Variants in GREB1L observed in about 807,000 individuals in gnomAD.
The protein encoded by GREB1L is GREB1 like retinoic acid receptor coactivator.
GREB1L carries 17 observed loss-of-function variants against 200.8 expected under a neutral mutation model. The ratio of observed to expected loss-of-function variants is 0.08; its 90% CI spans 0.06 to 0.13. GREB1L has a LOEUF of 0.13. Among genes scored for constraint, GREB1L ranks in the 10% least tolerant of loss-of-function variants. GREB1L has a pLI of 1.00. For synonymous variants in GREB1L, 789 were observed against 893.0 expected (o/e 0.88, Z 2.08); for missense variants, 1,657 against 2,367.7 (o/e 0.70, Z 6.23).
intron 19 of GREB1L, among the ~76,000 whole-genome samples, chr18:21,490,742 C>A (rs2036301716): frequency 6.6e-6 from 1 of 152,222 alleles, no homozygotes; most frequent in South Asian, 2.1e-4. Context: ...ATCCTCAACT[C>A]ACTAATTCTT....
At chr18:21,373,486 A>G (rs1221631689) in intron 2 of GREB1L, among the ~76,000 whole-genome samples, 3 of 151,864 alleles carry the variant, frequency 2.0e-5, no homozygotes, top group Non-Finnish European at 2.9e-5. Context: ...GGCACCTACC[A>G]CCGTGCCCAG....
intron 17 of GREB1L, among the ~76,000 whole-genome samples, chr18:21,483,917 A>G (rs888261293): frequency 1.3e-5 from 2 of 149,182 alleles, no homozygotes; most frequent in African/African-American, 5.0e-5. Context: ...CAGAGATTGC[A>G]GTGAGCCGAG....
chr18:21,409,848 C>T (rs1382301737), intron 7 of GREB1L, among the ~76,000 whole-genome samples: 5 of 152,130 alleles, frequency 3.3e-5, no homozygotes, highest in African/African-American at 1.2e-4. Context: ...TGAGGAATGA[C>T]TTAGCCTTGC....
chr18:21,268,011 A>G (rs2038000198), intron 1 of GREB1L, among the ~76,000 whole-genome samples: 7 of 152,198 alleles, frequency 4.6e-5, no homozygotes. Context: ...TAAGAGGATC[A>G]CATTGGCAGC....
intron 19 of GREB1L, among the ~76,000 whole-genome samples, chr18:21,491,046 G>T (rs184618088): frequency 7.9e-5 from 12 of 152,152 alleles, no homozygotes; most frequent in African/African-American, 2.9e-4. Flanking sequence ...GGTGGGAGGA[G>T]TAGAACCCTC....
intron 4 of GREB1L, among the ~76,000 whole-genome samples, chr18:21,388,721 T>A (rs1408372993): frequency 6.6e-6 from 1 of 151,894 alleles, no homozygotes; most frequent in Non-Finnish European, 1.5e-5. Flanking sequence ...ATTTTTTGTA[T>A]TTTTAGTAGA....
chr18:21,383,721 T>C (rs1309251023), intron 3 of GREB1L, 46 bp downstream of exon 3: 7 of 1,535,068 alleles, frequency 4.6e-6, no homozygotes, highest in African/African-American at 1.4e-5. Flanking sequence ...TTTTTTTGTT[T>C]TGTTTTTTTG....
At chr18:21,484,090 C>A (rs2036028397) in intron 17 of GREB1L, among the ~76,000 whole-genome samples, 1 of 151,746 alleles carries the variant, frequency 6.6e-6, no homozygotes, top group Non-Finnish European at 1.5e-5. Context: ...TTATCCCTGG[C>A]CCAATCTTCC....
chr18:21,433,247 T>C (rs1325965777), intron 7 of GREB1L, among the ~76,000 whole-genome samples: 6 of 152,238 alleles, frequency 3.9e-5, no homozygotes, highest in African/African-American at 9.6e-5. Flanking sequence ...GATTGTTGTT[T>C]ATATATATGA....
intron 1 of GREB1L, among the ~76,000 whole-genome samples, chr18:21,337,936 G>A (rs1469205930): frequency 6.6e-5 from 10 of 151,910 alleles, no homozygotes; most frequent in Admixed American, 3.9e-4. Flanking sequence ...GCAGTGAGCC[G>A]AGATCGCACC....
At chr18:21,429,183 CCTCCCTTCCCCTCCCCTCCCCTCCG>C (rs2032929161) in intron 7 of GREB1L, among the ~76,000 whole-genome samples, 1 of 79,694 alleles carries the variant, frequency 1.3e-5, no homozygotes, top group Admixed American at 1.3e-4. Context: ...CCTTCCTTCC[CCTCCCTTCCCCTCCCCTCCCCTCCG>C]CTCCCCTCCC....
At chr18:21,329,974 G>T (rs985647496) in intron 1 of GREB1L, among the ~76,000 whole-genome samples, 2 of 150,410 alleles carry the variant, frequency 1.3e-5, no homozygotes, top group African/African-American at 2.4e-5. Flanking sequence ...TTTTTTGGGG[G>T]GGGGGGGTCT....
At chr18:21,484,235 G>A (rs1411087338) in intron 17 of GREB1L, among the ~76,000 whole-genome samples, 1 of 150,096 alleles carries the variant, frequency 6.7e-6, no homozygotes, top group East Asian at 2.0e-4. Flanking sequence ...GAGTGCAGTG[G>A]CACAATCTCG....
intron 1 of GREB1L, among the ~76,000 whole-genome samples, chr18:21,258,553 T>A (rs1056126293): frequency 3.6e-4 from 55 of 151,904 alleles, no homozygotes; most frequent in African/African-American, 1.3e-3. Flanking sequence ...CAAGGGAGGG[T>A]AATGGAACAA....
At chr18:21,255,503 T>C (rs2037787461) in intron 1 of GREB1L, among the ~76,000 whole-genome samples, 1 of 152,214 alleles carries the variant, frequency 6.6e-6, no homozygotes, top group African/African-American at 2.4e-5. Context: ...TGTCAAACTA[T>C]GGACCACCTA....
At chr18:21,367,904 C>T (rs1057369066) in intron 2 of GREB1L, among the ~76,000 whole-genome samples, 2 of 152,086 alleles carry the variant, frequency 1.3e-5, no homozygotes, top group Non-Finnish European at 2.9e-5. Flanking sequence ...CTCAAGAGAC[C>T]GCTTATATGA....
chr18:21,296,774 C>T (rs1461405231), intron 1 of GREB1L, among the ~76,000 whole-genome samples: 1 of 151,846 alleles, frequency 6.6e-6, no homozygotes, highest in Non-Finnish European at 1.5e-5. Flanking sequence ...CCTGCCTCAG[C>T]CTCCTGATTA....
chr18:21,319,932 C>T (rs1378162421), intron 1 of GREB1L, among the ~76,000 whole-genome samples: 4 of 152,196 alleles, frequency 2.6e-5, no homozygotes, highest in African/African-American at 9.6e-5. Flanking sequence ...GGAATGCCCA[C>T]AGAAATATCA....
chr18:21,472,354 A>G (rs1400163023), intron 15 of GREB1L, among the ~76,000 whole-genome samples: 3 of 152,220 alleles, frequency 2.0e-5, no homozygotes, highest in Non-Finnish European at 4.4e-5. Flanking sequence ...TGCAGAAGTA[A>G]TTTTATTATA....
Sources: gnomAD v4.1 joint callset for allele counts (sites outside exome capture counted in the v4.1 genomes callset) on GRCh38, gnomAD v4.1.1 for gene constraint, MANE v1.5 for transcripts, NCBI Gene and HGNC (gene_info 2026-07-23, HGNC 2026-07-21) for gene names.